Variants in UBE4B observed in about 807,000 individuals in gnomAD.
UBE4B encodes the protein ubiquitin conjugation factor E4 B.
A neutral mutation model predicts 148.1 loss-of-function variants in UBE4B; 27 were observed. The ratio of observed to expected loss-of-function variants is 0.18; its 90% CI spans 0.13 to 0.25. The LOEUF (loss-of-function observed/expected upper bound fraction) is 0.25. UBE4B is among the 10% of genes least tolerant of loss of function. The pLI is 1.00. For missense variants in UBE4B, 1,170 were observed against 1,662.4 expected, an observed-to-expected ratio of 0.70 and a Z score of 5.15; for synonymous variants, 596 against 619.3, an observed-to-expected ratio of 0.96 and a Z score of 0.56.
chr1:10,101,432 C>G (rs1003780285), intron 4 of UBE4B, among the ~76,000 whole-genome samples: 1 of 143,412 alleles, frequency 7.0e-6, no homozygotes, highest in Non-Finnish European at 1.5e-5. Flanking sequence ...ATGATTTTAT[C>G]AGTAAATTTA....
chr1:10,111,432 T>A (rs567158722), intron 7 of UBE4B, among the ~76,000 whole-genome samples: 2 of 152,158 alleles, frequency 1.3e-5, no homozygotes, highest in Admixed American at 6.6e-5. Flanking sequence ...TATGGCCGGC[T>A]CCCTCACTCT....
intron 20 of UBE4B, among the ~76,000 whole-genome samples, chr1:10,149,637 A>G (rs192703044): frequency 6.6e-6 from 1 of 152,320 alleles, no homozygotes; most frequent in East Asian, 1.9e-4. Context: ...TTGTACTAAA[A>G]TTTGTCTCAA....
chr1:10,145,171 AG>A, intron 18 of UBE4B, 132 bp downstream of exon 18: 5 of 632,866 alleles, frequency 7.9e-6, no homozygotes, highest in Non-Finnish European at 1.3e-5. Flanking sequence ...CCAATAAAAT[AG>A]TATATTTTAA....
chr1:10,129,605 G>A (rs762938385), intron 12 of UBE4B, among the ~76,000 whole-genome samples, 157 bp downstream of exon 12: 44 of 152,206 alleles, frequency 2.9e-4, no homozygotes, highest in Non-Finnish European at 4.9e-4. Context: ...TTACATTTTT[G>A]TTAGACACGT....
intron 2 of UBE4B, among the ~76,000 whole-genome samples, chr1:10,077,241 T>G (rs1644600136): frequency 6.6e-6 from 1 of 152,186 alleles, no homozygotes; most frequent in African/African-American, 2.4e-5. Flanking sequence ...CTTCCGATAG[T>G]TGCTGGCAGT....
intron 3 of UBE4B, 45 bp downstream of exon 3, chr1:10,095,641 A>G: frequency 6.2e-7 from 1 of 1,612,110 alleles, no homozygotes; most frequent in Non-Finnish European, 8.5e-7. Flanking sequence ...ATTTAGGGAA[A>G]GAGAAAGATC....
chr1:10,135,773 A>T (rs1645672495), intron 16 of UBE4B, among the ~76,000 whole-genome samples: 1 of 151,782 alleles, frequency 6.6e-6, no homozygotes, highest in South Asian at 2.1e-4. Flanking sequence ...TGAAAAAAAA[A>T]ATCAAGTTAT....
intron 12 of UBE4B, among the ~76,000 whole-genome samples, chr1:10,129,994 A>G (rs959556760): frequency 6.6e-6 from 1 of 151,936 alleles, no homozygotes; most frequent in African/African-American, 2.4e-5. Context: ...TAAACTAACA[A>G]GAGGTATGGA....
chr1:10,038,297 G>T (rs1018108909), intron 1 of UBE4B, among the ~76,000 whole-genome samples: 5 of 149,112 alleles, frequency 3.4e-5, no homozygotes, highest in African/African-American at 9.9e-5. Context: ...AAAAAAAAAA[G>T]ATTTAGAAAG....
intron 18 of UBE4B, 195 bp downstream of exon 18, chr1:10,145,234 C>A: frequency 4.5e-6 from 2 of 439,906 alleles, no homozygotes; most frequent in Non-Finnish European, 8.2e-6. Context: ...AGTCTCAGGA[C>A]AGAATATGGA....
At chr1:10,098,111 T>C (rs1472847716) in intron 3 of UBE4B, among the ~76,000 whole-genome samples, 3 of 152,094 alleles carry the variant, frequency 2.0e-5, no homozygotes, top group Non-Finnish European at 2.9e-5. Flanking sequence ...CTTCAAGTGA[T>C]CCACCCGCCT....
chr1:10,114,453 G>T (rs547667372), intron 7 of UBE4B, among the ~76,000 whole-genome samples: 2 of 152,114 alleles, frequency 1.3e-5, no homozygotes, highest in Admixed American at 1.3e-4. Context: ...GTTTGTTCTA[G>T]TGTGTGTTTT....
At chr1:10,098,934 G>T (rs1224041067) in intron 3 of UBE4B, among the ~76,000 whole-genome samples, 1 of 152,082 alleles carries the variant, frequency 6.6e-6, no homozygotes, top group African/African-American at 2.4e-5. Context: ...GTAATAATTT[G>T]CAGATAAATT....
rs191138288 is a variant in UBE4B, at chr1:10,075,812, G to A, written c.211+3598G>A. On this transcript the variant is annotated intron_variant, in intron 2 of 27. Transcript: ENST00000343090. ...CATGCCTGTAATCATAATACTTTGG[G>A]AAGCCAAGGTGGGAGGATCCCTTGA... 2.3e-3 allele frequency among the ~76,000 whole-genome samples: 353 copies of A among 152,240 alleles called. 3 individuals are homozygous for A. The highest frequency in any genetic ancestry group is 8.1e-3 in the African/African-American group (336 of 41,540).
At chr1:10,111,504 A>G (rs1645220652) in intron 7 of UBE4B, among the ~76,000 whole-genome samples, 2 of 152,046 alleles carry the variant, frequency 1.3e-5, no homozygotes, top group Admixed American at 1.3e-4. Flanking sequence ...TAGAACACAC[A>G]CGCACCCATG....
At chr1:10,121,413 A>G (rs1266708133) in intron 9 of UBE4B, among the ~76,000 whole-genome samples, 1 of 152,048 alleles carries the variant, frequency 6.6e-6, no homozygotes, top group Non-Finnish European at 1.5e-5. Flanking sequence ...ATTTTTATTT[A>G]TTTATTTATT....
At chr1:10,124,835 T>C (rs1265206516) in intron 10 of UBE4B, among the ~76,000 whole-genome samples, 4 of 152,136 alleles carry the variant, frequency 2.6e-5, no homozygotes, top group Non-Finnish European at 5.9e-5. Context: ...ATTTAAAATA[T>C]ATAGGTCAGG....
chr1:10,090,016 A>G (rs1318656886), intron 2 of UBE4B, among the ~76,000 whole-genome samples: 3 of 151,532 alleles, frequency 2.0e-5, no homozygotes, highest in Non-Finnish European at 4.4e-5. Flanking sequence ...TTTTGAGTGT[A>G]TAAAATAGGT....
rs889685466 is a variant in UBE4B at position 10,158,420 on chromosome 1, C to T, written c.2991C>T (p.Ser997=). The change falls in exon 22 of 28, where the codon AGC becomes AGT. Residue 997 remains serine, a synonymous_variant. Coordinates refer to ENST00000343090, the MANE Select transcript of UBE4B (RefSeq NM_001105562.3). ...AGTTCACAATTCGCTATCATATTAG[C>T]ACCATTTTTAAAAGCCTTTGGCAAA... ...YDKFTIRYHI[S]TIFKSLWQNI... is the part of the protein sequence containing the mutation. 2 of 1,614,044 alleles carry T rather than the reference C, an allele frequency of 1.2e-6. No homozygotes were observed. Among genetic ancestry groups the T allele is most frequent in the African/African-American group, 2.7e-5 (2 of 74,934 alleles).
Sources: gnomAD v4.1 joint callset for allele counts (sites outside exome capture counted in the v4.1 genomes callset) on GRCh38, gnomAD v4.1.1 for gene constraint, MANE v1.5 for transcripts, NCBI Gene and HGNC (gene_info 2026-07-23, HGNC 2026-07-21) for gene names.